The following PRKCB variants were observed in gnomAD, a reference collection of about 807,000 sequenced individuals.
The protein encoded by PRKCB is protein kinase C beta type.
Under a neutral mutation model 81.5 loss-of-function variants are expected in PRKCB, and 13 were observed. The ratio of observed to expected loss-of-function variants is 0.16; its 90% confidence interval spans 0.10 to 0.25. The LOEUF (loss-of-function observed/expected upper bound fraction) is 0.25, where lower values mean the gene tolerates loss of function less well. Ranked by LOEUF, PRKCB falls within the 10% of genes least tolerant of loss-of-function variation. The probability of loss-of-function intolerance (pLI) is 1.00; values close to 1 mark genes in which losing one functional copy is unlikely to be tolerated. For missense variants in PRKCB, 509 were observed against 875.7 expected, an observed-to-expected ratio of 0.58 and a Z score of 5.29; for synonymous variants, 335 against 321.4, an observed-to-expected ratio of 1.04 and a Z score of -0.45.
chr16:24,093,091 A>G (rs1567371477), intron 6 of PRKCB, 144 bp downstream of exon 6: 6 of 890,288 alleles, frequency 6.7e-6, no homozygotes, highest in African/African-American at 1.7e-5. Flanking sequence ...CCTCACTCCT[A>G]TCTTTCCCTC....
intron 5 of PRKCB, among the ~76,000 whole-genome samples, chr16:24,051,595 C>T (rs1965843282): frequency 6.6e-6 from 1 of 152,088 alleles, no homozygotes; most frequent in African/African-American, 2.4e-5. Context: ...GAAAATAGAG[C>T]CAGGTGCAGT....
intron 3 of PRKCB, among the ~76,000 whole-genome samples, chr16:23,992,364 G>T (rs1964897368): frequency 6.6e-6 from 1 of 152,142 alleles, no homozygotes; most frequent in Non-Finnish European, 1.5e-5. Flanking sequence ...TTAGATTTAA[G>T]AATGCTAATT....
At chr16:23,942,320 C>T (rs958221055) in intron 2 of PRKCB, among the ~76,000 whole-genome samples, 1 of 152,216 alleles carries the variant, frequency 6.6e-6, no homozygotes, top group South Asian at 2.1e-4. Context: ...TCACACTTGG[C>T]ATGCCAGATC....
intron 16 of PRKCB, among the ~76,000 whole-genome samples, chr16:24,211,855 C>T (rs183087067): frequency 5.3e-5 from 8 of 152,214 alleles, no homozygotes; most frequent in Middle Eastern, 3.4e-3. Context: ...CCACCGCGCC[C>T]GGCCCCAGAC....
At chr16:23,981,018 C>T (rs779410248) in intron 2 of PRKCB, among the ~76,000 whole-genome samples, 14 of 151,884 alleles carry the variant, frequency 9.2e-5, no homozygotes, top group East Asian at 3.9e-4. Context: ...ATTAACCAGG[C>T]GTTTCTTATC....
intron 2 of PRKCB, among the ~76,000 whole-genome samples, chr16:23,949,147 T>C (rs1964242235): frequency 6.6e-6 from 1 of 152,138 alleles, no homozygotes. Context: ...CCGGAGTCTG[T>C]AGGTGGATGC....
chr16:23,838,853 T>G (rs980058700), intron 2 of PRKCB, among the ~76,000 whole-genome samples: 3 of 152,236 alleles, frequency 2.0e-5, no homozygotes, highest in Admixed American at 2.0e-4. Flanking sequence ...TTGGATCCTC[T>G]GCACCACACC....
chr16:24,184,149 T>C (rs955900739), intron 13 of PRKCB, among the ~76,000 whole-genome samples: 3 of 152,162 alleles, frequency 2.0e-5, no homozygotes, highest in African/African-American at 7.2e-5. Flanking sequence ...TATACAAATA[T>C]TAAATTAGCA....
At chr16:24,120,806 T>C (rs980279016) in intron 8 of PRKCB, among the ~76,000 whole-genome samples, 1 of 152,242 alleles carries the variant, frequency 6.6e-6, no homozygotes, top group Non-Finnish European at 1.5e-5. Flanking sequence ...CAATCATGGC[T>C]CACTGCAACC....
chr16:24,096,082 G>A (rs1316627115), intron 7 of PRKCB, among the ~76,000 whole-genome samples: 2 of 152,112 alleles, frequency 1.3e-5, no homozygotes, highest in Admixed American at 6.5e-5. Flanking sequence ...TGGATCACGA[G>A]ATCGGGAGAT....
chr16:24,055,927 C>G (rs768588547), intron 5 of PRKCB, among the ~76,000 whole-genome samples: 1 of 152,186 alleles, frequency 6.6e-6, no homozygotes, highest in Non-Finnish European at 1.5e-5. Context: ...CCTGCATCAA[C>G]CCATTTTGTC....
chr16:24,068,623 A>G (rs1229039308), intron 5 of PRKCB, among the ~76,000 whole-genome samples: 1 of 152,188 alleles, frequency 6.6e-6, no homozygotes, highest in Non-Finnish European at 1.5e-5. Context: ...CCCAAGTGGT[A>G]TGATATTAAA....
intron 8 of PRKCB, among the ~76,000 whole-genome samples, chr16:24,122,652 G>A (rs894966933): frequency 2.0e-5 from 3 of 152,042 alleles, no homozygotes; most frequent in Admixed American, 6.6e-5. Context: ...TAGAGACAGG[G>A]TCTTGTTATG....
At position 24,219,890 on chromosome 16, in the gene PRKCB, A is replaced by G. The variant is rs535681290; in HGVS notation, c.*5074A>G. The G allele has an allele frequency of 2.9e-4, 447 of 1,550,638 alleles. No homozygotes were observed. Among genetic ancestry groups the G allele is most frequent in the Non-Finnish European group, 3.5e-4 (400 of 1,145,424 alleles). ...CTCATGAGATGGTATCAGCCACCCA[A>G]TGACTGGCGTATCTTGGTCCTGTGT... On this transcript the variant is annotated 3_prime_UTR_variant, in exon 17 of 17. Coordinates refer to ENST00000643927, the MANE Select transcript of PRKCB (RefSeq NM_002738.7).
intron 3 of PRKCB, among the ~76,000 whole-genome samples, chr16:23,999,431 T>C (rs1296672577): frequency 3.3e-5 from 5 of 152,228 alleles, no homozygotes; most frequent in South Asian, 2.1e-4. Flanking sequence ...TCATATCACA[T>C]TGAGGCAATT....
intron 2 of PRKCB, among the ~76,000 whole-genome samples, chr16:23,838,598 T>A (rs1287556523): frequency 6.6e-6 from 1 of 152,236 alleles, no homozygotes; most frequent in Non-Finnish European, 1.5e-5. Flanking sequence ...AAAGAAAGTA[T>A]TTGAGTGTGG....
chr16:23,902,899 G>C (rs907258604), intron 2 of PRKCB, among the ~76,000 whole-genome samples: 2 of 149,884 alleles, frequency 1.3e-5, no homozygotes, highest in Admixed American at 6.7e-5. Context: ...GAACTACTGG[G>C]CTCAAGCCAT....
intron 15 of PRKCB, among the ~76,000 whole-genome samples, chr16:24,189,586 G>A (rs919232279): frequency 6.8e-6 from 1 of 147,190 alleles, no homozygotes; most frequent in Admixed American, 6.9e-5. Context: ...AGCTTGCAGT[G>A]ACCCGAGATC....
chr16:23,998,888 C>A (rs1217833179), intron 3 of PRKCB, among the ~76,000 whole-genome samples: 1 of 152,194 alleles, frequency 6.6e-6, no homozygotes, highest in Non-Finnish European at 1.5e-5. Context: ...TGAGACCCCT[C>A]TCTGTATGAA....
Sources: gnomAD v4.1 joint callset for allele counts (sites outside exome capture counted in the v4.1 genomes callset) on GRCh38, gnomAD v4.1.1 for gene constraint, MANE v1.5 for transcripts, NCBI Gene and HGNC (gene_info 2026-07-23, HGNC 2026-07-21) for gene names.